Variants in CNTROB observed in about 807,000 individuals in gnomAD.
CNTROB encodes centrobin.
Under a neutral mutation model 115.7 loss-of-function variants are expected in CNTROB, and 82 were observed. The ratio of observed to expected loss-of-function variants is 0.71; its 90% confidence interval spans 0.59 to 0.85. The LOEUF (loss-of-function observed/expected upper bound fraction) is 0.85. Among genes scored for constraint, CNTROB ranks in the 40% least tolerant of loss-of-function variants. The pLI is 0.00. For synonymous variants in CNTROB, 439 were observed against 456.4 expected (o/e 0.96, Z 0.49); for missense variants, 1,014 against 1,144.4 (o/e 0.89, Z 1.64).
At chr17:7,940,031 G>C (rs1007786891) in intron 8 of CNTROB, 65 bp from the exon 9 acceptor site, 1 of 1,494,770 alleles carries the variant, frequency 6.7e-7, no homozygotes, top group African/African-American at 1.4e-5. Context: ...GGATGAACTG[G>C]GGAGTGTAGG....
At chr17:7,936,536 A>C (rs759339977) in intron 5 of CNTROB, 54 bp downstream of exon 5, 7 of 824,022 alleles carry the variant, frequency 8.5e-6, no homozygotes, top group Non-Finnish European at 1.5e-5. Flanking sequence ...ATTAAGGAAT[A>C]ATAAATAAGT....
At chr17:7,934,084 G>A in intron 1 of CNTROB, 54 bp from the exon 2 acceptor site, 1 of 1,460,098 alleles carries the variant, frequency 6.8e-7, no homozygotes, top group Non-Finnish European at 9.6e-7. Flanking sequence ...CCTGGCAATA[G>A]GTAGGAGATA....
chr17:7,933,043 G>C lies in CNTROB; in HGVS notation c.-37G>C. 2 of 1,601,770 alleles carry C rather than the reference G, an allele frequency of 1.2e-6. No homozygotes were observed. Among genetic ancestry groups the C allele is most frequent in the Non-Finnish European group, 8.5e-7 (1 of 1,174,114 alleles). On this transcript the variant is annotated 5_prime_UTR_variant, in exon 1 of 19. Coordinates refer to ENST00000563694, the MANE Select transcript of CNTROB (RefSeq NM_053051.5). ...GACTTTGCTAAAGCAGAACCTCCCA[G>C]CTCTTTGCTGTCTCCGGTTGTCTCT...
At chr17:7,934,709 A>T (rs1972936057) in intron 3 of CNTROB, among the ~76,000 whole-genome samples, 163 bp downstream of exon 3, 1 of 150,944 alleles carries the variant, frequency 6.6e-6, no homozygotes, top group East Asian at 1.9e-4. Flanking sequence ...TGCCCCCTTT[A>T]CTCCTTCAGG....
Position 7,948,032 on chromosome 17 carries a change from T to C in CNTROB, c.2209+53T>C, listed in dbSNP as rs557671424. On this transcript the variant is annotated intron_variant, in intron 15 of 18. Coordinates refer to ENST00000563694, the MANE Select transcript of CNTROB (RefSeq NM_053051.5). The surrounding 1 kb of genome is among the most constrained non-coding windows in gnomAD (Gnocchi z 4.4). ...GGCTGGGGCCTAGGAAAGATCGGAG[T>C]TGGTTATCTAGGATGAATTTTTAGG... The C allele has an allele frequency of 6.3e-7, 1 of 1,596,018 alleles. No homozygotes were observed. Among genetic ancestry groups the C allele is most frequent in the South Asian group, 1.1e-5 (1 of 90,642 alleles).
chr17:7,937,877 A>G (rs1360262665), intron 7 of CNTROB, among the ~76,000 whole-genome samples: 1 of 152,082 alleles, frequency 6.6e-6, no homozygotes, highest in Non-Finnish European at 1.5e-5. Context: ...TTCAGTAGAT[A>G]TATGGTGGAA....
chr17:7,941,332 G>A (rs965177168), intron 9 of CNTROB, among the ~76,000 whole-genome samples: 2 of 152,190 alleles, frequency 1.3e-5, no homozygotes, highest in African/African-American at 4.8e-5. Flanking sequence ...CGGTATGGTG[G>A]CTCATGCCTG....
chr17:7,945,844 G>A lies in CNTROB; in HGVS notation c.1851G>A (p.Arg617=). The stretch of plus-strand genomic sequence containing the variant: ...TGAAGCCTGTATTGCAGCAGAGCCG[G>A]GAAGCAAGGGACGAGCTACCTGGAG... ...VALKPVLQQS[R]EARDELPGAP... is the part of the protein sequence containing the mutation. Residue 617 remains arginine, a synonymous_variant, in exon 13 of 19, where the codon CGG becomes CGA. Coordinates refer to ENST00000563694, the MANE Select transcript of CNTROB (RefSeq NM_053051.5). 6.2e-7 allele frequency: 1 copy of A among 1,614,164 alleles called. No homozygotes were observed. Among genetic ancestry groups the A allele is most frequent in the Non-Finnish European group, 8.5e-7 (1 of 1,180,026 alleles).
chr17:7,948,676 A>AGT lies in CNTROB; in HGVS notation c.2513+59_2513+60dup. Reference sequence around the variant, plus strand: ...TCCGGGTGGAAGCTGGATTATGGGGAGTGGAGTGGGTGTGTTTTACACTGA... The same window carrying AGT: ...TCCGGGTGGAAGCTGGATTATGGGGAGTGTGGAGTGGGTGTGTTTTACACTGA... On this transcript the variant is annotated intron_variant, in intron 17 of 18. Transcript: ENST00000563694. This position sits in a 1 kb window ranked among gnomAD's most constrained non-coding sequence, Gnocchi z 4.4. The AGT allele has an allele frequency of 1.9e-6, 3 of 1,613,778 alleles. No individual in the cohort carries two copies. Among genetic ancestry groups the AGT allele is most frequent in the Non-Finnish European group, 2.5e-6 (3 of 1,179,892 alleles).
chr17:7,933,940 C>T (rs1428030886), intron 1 of CNTROB, among the ~76,000 whole-genome samples, 198 bp from the exon 2 acceptor site: 5 of 152,192 alleles, frequency 3.3e-5, no homozygotes, highest in Non-Finnish European at 7.3e-5. Context: ...TTGTCTTATA[C>T]CTCCTCGATT....
At chr17:7,938,103 A>G (rs1973418690) in intron 7 of CNTROB, among the ~76,000 whole-genome samples, 1 of 141,208 alleles carries the variant, frequency 7.1e-6, no homozygotes. Flanking sequence ...CCTGGATTCT[A>G]GCGATTCTCC....
Position 7,934,485 on chromosome 17 carries a change from G to A in CNTROB, c.376G>A (p.Ala126Thr), listed in dbSNP as rs763290328. 8 of 1,614,010 alleles carry A rather than the reference G, an allele frequency of 5.0e-6. No homozygotes were observed. Among genetic ancestry groups the A allele is most frequent in the South Asian group, 1.1e-5 (1 of 91,084 alleles). ...TGCAGGGGATCCTCTCATTCCTGGC[G>A]CTGGCTCAGAGAGACGGGAAGAGGA... ...TAYRDPLIPG[A>T]GSERREEDSF... Residue 126 changes from alanine to threonine, a missense_variant, in exon 3 of 19, where the codon GCT becomes ACT. Coordinates refer to ENST00000563694, the MANE Select transcript of CNTROB (RefSeq NM_053051.5).
In CNTROB at chr17:7,944,765, A is replaced by G; in HGVS notation, c.1734+127A>G. On this transcript the variant is annotated intron_variant, in intron 12 of 18. Coordinates refer to ENST00000563694, the MANE Select transcript of CNTROB (RefSeq NM_053051.5). The surrounding 1 kb of genome is among the most constrained non-coding windows in gnomAD (Gnocchi z 4.0). ...AGATCATAGCTCATTGCAGCCTCGA[A>G]CTCCTGGGCTCAAGTGATCCTCCCA... 8.9e-7 allele frequency: 1 copy of G among 1,122,870 alleles called. No individual in the cohort carries two copies. Among genetic ancestry groups the G allele is most frequent in the Non-Finnish European group, 1.2e-6 (1 of 817,706 alleles). 69.6% of individuals were successfully genotyped at this position (1,122,870 alleles called of 1,614,324 possible). A position where few individuals can be genotyped will look rare whatever the true frequency, so the allele number is the denominator to read the frequency against.
chr17:7,948,637 A>G lies in CNTROB; in HGVS notation c.2513+18A>G, dbSNP rs1974847968. On this transcript the variant is annotated intron_variant, in intron 17 of 18. Transcript: ENST00000563694. This position sits in a 1 kb window ranked among gnomAD's most constrained non-coding sequence, Gnocchi z 4.4. ...CACAGCGGGTACAAGCCTGGGAGGA[A>G]GGAGGAAGGATTCTCCGGGTGGAAG... The G allele has an allele frequency of 6.2e-7, 1 of 1,614,134 alleles. No individual in the cohort carries two copies. The highest frequency in any genetic ancestry group is 1.1e-5 in the South Asian group (1 of 91,076).
intron 4 of CNTROB, chr17:7,936,122 G>T (rs1973136806): frequency 2.1e-6 from 1 of 469,452 alleles, no homozygotes; most frequent in African/African-American, 2.0e-5. Flanking sequence ...AGGAGATCCA[G>T]GAAAAGGAGG....
rs1972621480 is a variant in CNTROB at position 7,932,435 on chromosome 17, A to G, written c.-645A>G. The G allele has an allele frequency of 1.3e-5, 2 of 158,328 alleles. No individual in the cohort carries two copies. The highest frequency in any genetic ancestry group is 4.8e-5 in the African/African-American group (2 of 41,398). The allele number at this position is 158,328 out of a possible 1,614,324, so 9.8% of individuals were successfully genotyped here. A position where few individuals can be genotyped will look rare whatever the true frequency, so the allele number is the denominator to read the frequency against. On this transcript the variant is annotated 5_prime_UTR_variant, in exon 1 of 19. Coordinates refer to ENST00000563694, the MANE Select transcript of CNTROB (RefSeq NM_053051.5). The stretch of plus-strand genomic sequence containing the variant: ...CTTAGGGCGTGACTGAGGGTTCACA[A>G]GGTTTCTTTTGGGGTGGTCGGGAGG...
In CNTROB at chr17:7,948,383, C is replaced by A. The variant is rs1974810682; in HGVS notation, c.2380+56C>A. 7.5e-6 allele frequency: 12 copies of A among 1,608,326 alleles called. No individual in the cohort carries two copies. Among genetic ancestry groups the A allele is most frequent in the Non-Finnish European group, 9.4e-6 (11 of 1,174,836 alleles). On this transcript the variant is annotated intron_variant, in intron 16 of 18. Coordinates refer to ENST00000563694, the MANE Select transcript of CNTROB (RefSeq NM_053051.5). The surrounding 1 kb of genome is among the most constrained non-coding windows in gnomAD (Gnocchi z 4.4). ...AGGAGGGACAGTCCTGAGTGTGGAT[C>A]CAGTACAGGCACTTACAGTCCTTCT...
chr17:7,944,396 A>C lies in CNTROB; in HGVS notation c.1572-80A>C. The C allele has an allele frequency of 6.3e-7, 1 of 1,584,804 alleles. No individual in the cohort carries two copies. Among genetic ancestry groups the C allele is most frequent in the East Asian group, 2.2e-5 (1 of 44,516 alleles). ...CCTTTCAGAATATCAGATGTCCAACATTTCCCTTCTGGCTCTTTTTAGCTC... is the reference window on the plus strand; with the variant it reads ...CCTTTCAGAATATCAGATGTCCAACCTTTCCCTTCTGGCTCTTTTTAGCTC... On this transcript the variant is annotated intron_variant, in intron 11 of 18. Coordinates refer to ENST00000563694, the MANE Select transcript of CNTROB (RefSeq NM_053051.5). The surrounding 1 kb of genome is among the most constrained non-coding windows in gnomAD (Gnocchi z 4.0).
chr17:7,939,973 A>G lies in CNTROB; in HGVS notation c.1165-123A>G. ...TGAAATTCAACAGGGATGGGGAAAT[A>G]AAACAAATGGGAGGAGCTGGGGGAA... On this transcript the variant is annotated intron_variant, in intron 8 of 18. Transcript: ENST00000563694. This position sits in a 1 kb window ranked among gnomAD's most constrained non-coding sequence, Gnocchi z 4.4. 1 of 1,266,484 alleles carries G rather than the reference A, an allele frequency of 7.9e-7. No individual in the cohort carries two copies. The highest frequency in any genetic ancestry group is 2.3e-5 in the East Asian group (1 of 42,868). 78.5% of individuals were successfully genotyped at this position (1,266,484 alleles called of 1,614,324 possible). A position where few individuals can be genotyped will look rare whatever the true frequency, so the allele number is the denominator to read the frequency against.
Sources: gnomAD v4.1 joint callset for allele counts (sites outside exome capture counted in the v4.1 genomes callset) on GRCh38, gnomAD v4.1.1 for gene constraint, Gnocchi (gnomAD v3.1) non-coding constraint, MANE v1.5 for transcripts, NCBI Gene and HGNC (gene_info 2026-07-23, HGNC 2026-07-21) for gene names.